Variants in GPR107 observed in about 807,000 individuals in gnomAD.
GPR107 encodes the protein G protein-coupled receptor 107, also known as protein GPR107.
Under a neutral mutation model 75.5 loss-of-function variants are expected in GPR107, and 31 were observed. The ratio of observed to expected loss-of-function variants is 0.41; its 90% CI spans 0.31 to 0.55. The LOEUF is 0.55. Among genes scored for constraint, GPR107 ranks in the 20% least tolerant of loss-of-function variants. The pLI is 0.26. For synonymous variants in GPR107, 267 were observed against 251.3 expected, an observed-to-expected ratio of 1.06 and a Z score of -0.59; for missense variants, 572 against 665.7, an observed-to-expected ratio of 0.86 and a Z score of 1.55.
chr9:130,091,090 GCAGA>G, intron 8 of GPR107, 107 bp downstream of exon 8: 1 of 655,068 alleles, frequency 1.5e-6, no homozygotes, highest in Non-Finnish European at 2.7e-6. Flanking sequence ...AAGAATGTGG[GCAGA>G]CACACATTCC....
chr9:130,065,352 G>A lies in GPR107; in HGVS notation c.142-10284G>A, dbSNP rs569811275. On this transcript the variant is annotated intron_variant, in intron 1 of 17. Transcript: ENST00000347136. The stretch of plus-strand genomic sequence containing the variant: ...CTTGGGAGGCTGAGGCAGGAGAATC[G>A]CTTGAACCCAGGAGGCAAAGGTTAC... Among the ~76,000 whole-genome samples, 184 of 150,300 alleles carry A rather than the reference G, an allele frequency of 1.2e-3. 1 individual carries two copies. Among genetic ancestry groups the A allele is most frequent in the African/African-American group, 4.3e-3 (177 of 40,890 alleles).
chr9:130,092,138 C>A (rs1206307133), intron 8 of GPR107, 110 bp from the exon 9 acceptor site: 2 of 873,792 alleles, frequency 2.3e-6, no homozygotes, highest in African/African-American at 1.7e-5. Flanking sequence ...CCATGCCCAG[C>A]CACTGGTACT....
chr9:130,071,316 C>A (rs542611892), intron 1 of GPR107, among the ~76,000 whole-genome samples: 1 of 151,650 alleles, frequency 6.6e-6, no homozygotes, highest in Non-Finnish European at 1.5e-5. Flanking sequence ...CGAGAGCCAC[C>A]TCGCCTGGCC....
Position 130,128,739 on chromosome 9 carries a change from G to C in GPR107, c.1540G>C (p.Glu514Gln). 1 of 1,613,698 alleles carries C rather than the reference G, an allele frequency of 6.2e-7. No homozygotes were observed. The highest frequency in any genetic ancestry group is 8.5e-7 in the Non-Finnish European group (1 of 1,179,570). ...NPYLQLSQEE[E>Q]DLEMESVVTT... is the part of the protein sequence containing the mutation. ...CTACCTACAACTTTCTCAGGAAGAA[G>C]AAGACTTGGAAATGGAGTCCGTGTA... is the stretch of plus-strand genomic sequence containing the variant. The change falls in exon 17 of 18, where the codon GAA (glutamate) becomes CAA (glutamine). Residue 514 changes from glutamate to glutamine, a missense_variant. Transcript: ENST00000347136.
chr9:130,107,126 G>T (rs755984347), intron 13 of GPR107, among the ~76,000 whole-genome samples: 3 of 152,152 alleles, frequency 2.0e-5, no homozygotes, highest in Non-Finnish European at 4.4e-5. Context: ...TTCTTCTAGG[G>T]TTTATTCTCT....
At chr9:130,130,397 C>G (rs938458147) in intron 17 of GPR107, among the ~76,000 whole-genome samples, 1 of 152,166 alleles carries the variant, frequency 6.6e-6, no homozygotes, top group Non-Finnish European at 1.5e-5. Flanking sequence ...GGTTTTCTCC[C>G]TGGGGTTCCC....
chr9:130,125,019 A>G, intron 15 of GPR107, 55 bp downstream of exon 15: 1 of 864,290 alleles, frequency 1.2e-6, no homozygotes, highest in Non-Finnish European at 1.8e-6. Context: ...TTCAAGGAGT[A>G]GAGCAAATGA....
intron 7 of GPR107, among the ~76,000 whole-genome samples, chr9:130,089,362 C>G (rs1315576161): frequency 6.6e-6 from 1 of 152,166 alleles, no homozygotes; most frequent in Non-Finnish European, 1.5e-5. Flanking sequence ...GCAGGCAGTG[C>G]ATGGGTAGCT....
intron 14 of GPR107, among the ~76,000 whole-genome samples, chr9:130,117,223 A>C (rs1318684127): frequency 6.6e-6 from 1 of 151,940 alleles, no homozygotes; most frequent in Admixed American, 6.6e-5. Flanking sequence ...CTGAGATTAC[A>C]GGTGTGAGCC....
In GPR107 at chr9:130,056,940, A is replaced by AAG. The variant is rs1829805745; in HGVS notation, c.141+2868_141+2869insGA. Among the ~76,000 whole-genome samples the AAG allele has an allele frequency of 2.0e-5, 3 of 146,660 alleles. No individual in the cohort carries two copies. In the East Asian group the frequency reaches 5.9e-4, roughly 29 times the overall value. On this transcript the variant is annotated intron_variant, in intron 1 of 17. Transcript: ENST00000347136. ...ACTCCTTCTCAAAAAAAAAAAAAAA[A>AAG]AAAAAAAAAAAGAAAGTTCACAAAT...
At position 130,104,015 on chromosome 9, in the gene GPR107, G is replaced by C. The variant is rs76180290; in HGVS notation, c.1132-405G>C. On this transcript the variant is annotated intron_variant, in intron 12 of 17. Transcript: ENST00000347136. ...TCTTCTGGGCTGAGAAGCTTGCTCA[G>C]GTGGGGACTGGGACAGCCGGGGCTC... 7.3e-4 allele frequency among the ~76,000 whole-genome samples: 111 copies of C among 152,266 alleles called. 1 individual carries two copies. In the East Asian group the frequency reaches 0.021, roughly 29 times the overall value.
At chr9:130,104,320 C>A in intron 12 of GPR107, 100 bp from the exon 13 acceptor site, 2 of 953,274 alleles carry the variant, frequency 2.1e-6, no homozygotes, top group East Asian at 2.4e-5. Context: ...GGTCGCAGAT[C>A]GTGGGTCTGG....
At chr9:130,096,330 C>T (rs1830867638) in intron 9 of GPR107, among the ~76,000 whole-genome samples, 1 of 152,044 alleles carries the variant, frequency 6.6e-6, no homozygotes, top group Non-Finnish European at 1.5e-5. Flanking sequence ...AACTGATATC[C>T]CTTTGTGGTA....
chr9:130,055,544 A>C (rs1436143713), intron 1 of GPR107, among the ~76,000 whole-genome samples: 2 of 140,702 alleles, frequency 1.4e-5, no homozygotes, highest in African/African-American at 5.3e-5. Flanking sequence ...AAAAAAAAAA[A>C]GAAGTGGAAC....
intron 1 of GPR107, among the ~76,000 whole-genome samples, chr9:130,058,964 A>G (rs1829862688): frequency 1.3e-5 from 2 of 152,188 alleles, no homozygotes; most frequent in Admixed American, 6.6e-5. Flanking sequence ...TGATGGTGCC[A>G]TAAACGTTCA....
chr9:130,077,108 G>A (rs1302703811), intron 3 of GPR107, among the ~76,000 whole-genome samples, 191 bp from the exon 4 acceptor site: 4 of 151,190 alleles, frequency 2.6e-5, no homozygotes, highest in East Asian at 2.0e-4. Context: ...GGATGGTCTC[G>A]ATCTCCTGAC....
At chr9:130,120,421 C>G (rs1831520885) in intron 14 of GPR107, among the ~76,000 whole-genome samples, 1 of 152,156 alleles carries the variant, frequency 6.6e-6, no homozygotes, top group Non-Finnish European at 1.5e-5. Flanking sequence ...CCACCCCGGT[C>G]CTTACTTGGT....
chr9:130,056,766 A>G (rs1191386267), intron 1 of GPR107, among the ~76,000 whole-genome samples: 2 of 151,584 alleles, frequency 1.3e-5, no homozygotes, highest in East Asian at 3.9e-4. Context: ...TCTACTAAAA[A>G]TACAAAAAAT....
At chr9:130,121,646 A>G (rs1831549914) in intron 14 of GPR107, among the ~76,000 whole-genome samples, 1 of 152,122 alleles carries the variant, frequency 6.6e-6, no homozygotes, top group South Asian at 2.1e-4. Flanking sequence ...CACTCTCCGC[A>G]TTGCCTTCTC....
Sources: gnomAD v4.1 joint callset for allele counts (sites outside exome capture counted in the v4.1 genomes callset) on GRCh38, gnomAD v4.1.1 for gene constraint, MANE v1.5 for transcripts, NCBI Gene and HGNC (gene_info 2026-07-23, HGNC 2026-07-21) for gene names.